The following FHIT variants were observed in gnomAD, a reference collection of about 807,000 sequenced individuals.
The protein encoded by FHIT is bis(5'-adenosyl)-triphosphatase.
A neutral mutation model predicts 17.9 loss-of-function variants in FHIT; 19 were observed. The ratio of observed to expected loss-of-function variants is 1.06; its 90% CI spans 0.74 to 1.56. The LOEUF is 1.56. FHIT is among the 40% of genes most tolerant of loss of function. The pLI is 0.00. For missense variants in FHIT, 248 were observed against 189.2 expected (o/e 1.31, Z -1.82); for synonymous variants, 81 against 69.7 (o/e 1.16, Z -0.81).
intron 8 of FHIT, among the ~76,000 whole-genome samples, chr3:59,847,178 T>C (rs992423160): frequency 2.6e-5 from 4 of 152,192 alleles, no homozygotes; most frequent in Admixed American, 6.5e-5. Flanking sequence ...TGCCCCTTTC[T>C]GTCTCCCTCT....
intron 4 of FHIT, among the ~76,000 whole-genome samples, chr3:60,705,278 G>A (rs1247125840): frequency 2.0e-5 from 3 of 152,140 alleles, no homozygotes; most frequent in African/African-American, 4.8e-5. Flanking sequence ...TAGAACTTCA[G>A]AGATGAAAGC....
intron 5 of FHIT, among the ~76,000 whole-genome samples, chr3:60,515,761 T>C (rs929439227): frequency 5.9e-5 from 9 of 152,184 alleles, no homozygotes; most frequent in Non-Finnish European, 8.8e-5. Flanking sequence ...TTAACTCACA[T>C]GATCCTCACA....
At chr3:61,094,089 C>T (rs1295653509) in intron 2 of FHIT, among the ~76,000 whole-genome samples, 1 of 151,108 alleles carries the variant, frequency 6.6e-6, no homozygotes, top group Non-Finnish European at 1.5e-5. Context: ...AAAAATTACA[C>T]ATATGCACAT....
At chr3:59,853,896 C>T (rs1191025678) in intron 8 of FHIT, among the ~76,000 whole-genome samples, 4 of 152,138 alleles carry the variant, frequency 2.6e-5, no homozygotes, top group Admixed American at 6.6e-5. Flanking sequence ...GCATGGAAGT[C>T]ATGGAATCTC....
intron 8 of FHIT, among the ~76,000 whole-genome samples, chr3:59,871,269 G>C (rs907166131): frequency 6.6e-6 from 1 of 152,128 alleles, no homozygotes; most frequent in Non-Finnish European, 1.5e-5. Context: ...AAGCCAGTGA[G>C]AGCAATATCA....
At chr3:59,802,108 G>C (rs1343873225) in intron 8 of FHIT, among the ~76,000 whole-genome samples, 1 of 152,070 alleles carries the variant, frequency 6.6e-6, no homozygotes, top group Non-Finnish European at 1.5e-5. Flanking sequence ...GGCCAGCTCA[G>C]GCACACTGAA....
chr3:60,858,817 T>C (rs1487643938), intron 3 of FHIT, among the ~76,000 whole-genome samples: 1 of 152,180 alleles, frequency 6.6e-6, no homozygotes, highest in Non-Finnish European at 1.5e-5. Context: ...CTAGCAGTGC[T>C]CATTACCTTG....
In FHIT at chr3:60,413,757, T is replaced by C. The variant is rs1702148822; in HGVS notation, c.103+123103A>G. On this transcript the variant is annotated intron_variant, in intron 5 of 9. Coordinates refer to ENST00000492590, the MANE Select transcript of FHIT (RefSeq NM_002012.4). ...GGTAGTATGTAGTTGTCCATGTCAA[T>C]AACAAAAAAGCAAACACACAAAAAA... is the stretch of plus-strand genomic sequence containing the variant. Among the ~76,000 whole-genome samples the C allele has an allele frequency of 6.6e-5, 10 of 151,990 alleles. No individual in the cohort carries two copies. The South Asian group carries it at 2.1e-3, about 32-fold the overall frequency.
At chr3:60,486,548 G>C (rs1333646443) in intron 5 of FHIT, among the ~76,000 whole-genome samples, 1 of 152,124 alleles carries the variant, frequency 6.6e-6, no homozygotes, top group Non-Finnish European at 1.5e-5. Context: ...AGAAAGCATT[G>C]CATACCATCA....
At chr3:60,039,549 C>T (rs1701353052) in intron 5 of FHIT, among the ~76,000 whole-genome samples, 2 of 152,122 alleles carry the variant, frequency 1.3e-5, no homozygotes, top group Non-Finnish European at 2.9e-5. Flanking sequence ...AATTAAGGTA[C>T]AGATAATTGA....
At chr3:59,963,771 T>C (rs915564421) in intron 7 of FHIT, among the ~76,000 whole-genome samples, 2 of 152,206 alleles carry the variant, frequency 1.3e-5, no homozygotes, top group African/African-American at 4.8e-5. Flanking sequence ...CATAAAGCTT[T>C]ACTACAAATT....
chr3:60,114,000 TCC>T (rs1704808348), intron 5 of FHIT, among the ~76,000 whole-genome samples: 1 of 1,596 alleles, frequency 6.3e-4, no homozygotes, highest in African/African-American at 9.2e-4. Flanking sequence ...AGACCCCGTC[TCC>T]AAAAAAAAAA....
At chr3:59,835,394 T>C (rs151264790) in intron 8 of FHIT, among the ~76,000 whole-genome samples, 211 of 152,314 alleles carry the variant, frequency 1.4e-3, no homozygotes, top group African/African-American at 4.7e-3. Context: ...GCTCTCCTAA[T>C]CTTCATTTAC....
chr3:61,222,225 G>A (rs2039858059), intron 1 of FHIT, among the ~76,000 whole-genome samples: 1 of 152,114 alleles, frequency 6.6e-6, no homozygotes, highest in East Asian at 1.9e-4. Context: ...ATAATCACAG[G>A]GGCAGAACAA....
At chr3:60,200,102 T>A (rs1016879034) in intron 5 of FHIT, among the ~76,000 whole-genome samples, 1 of 152,022 alleles carries the variant, frequency 6.6e-6, no homozygotes, top group Admixed American at 6.6e-5. Flanking sequence ...CCAATCAACA[T>A]AGACAAGGTA....
chr3:60,073,000 G>A (rs1252970942), intron 5 of FHIT, among the ~76,000 whole-genome samples: 1 of 152,096 alleles, frequency 6.6e-6, no homozygotes, highest in African/African-American at 2.4e-5. Context: ...CAGAAGTTGT[G>A]ACTGCTTACA....
At chr3:61,021,556 G>A (rs528946913) in intron 3 of FHIT, among the ~76,000 whole-genome samples, 38 of 125,712 alleles carry the variant, frequency 3.0e-4, no homozygotes, top group East Asian at 4.8e-4. Flanking sequence ...CCGAGATCCC[G>A]CCACTGCACT....
chr3:60,293,229 A>G (rs1039653566), intron 5 of FHIT, among the ~76,000 whole-genome samples: 42 of 152,150 alleles, frequency 2.8e-4, no homozygotes, highest in Non-Finnish European at 8.8e-5. Context: ...AATTTTAATG[A>G]TGAAAACAGA....
At chr3:60,418,542 T>C (rs1193736079) in intron 5 of FHIT, among the ~76,000 whole-genome samples, 1 of 141,096 alleles carries the variant, frequency 7.1e-6, no homozygotes, top group Admixed American at 7.5e-5. Context: ...GTCAACTAAT[T>C]AACATCCCTC....
Sources: allele counts gnomAD v4.1 joint callset (sites outside exome capture counted in the v4.1 genomes callset), GRCh38; gene constraint gnomAD v4.1.1; transcripts MANE v1.5; gene names NCBI Gene and HGNC (gene_info 2026-07-23, HGNC 2026-07-21).